Variants in FARS2 observed in about 807,000 individuals in gnomAD.
FARS2 encodes the protein phenylalanyl-tRNA synthetase 2, mitochondrial.
FARS2 carries 40 observed loss-of-function variants against 46.4 expected under a neutral mutation model. That is an observed-to-expected ratio of 0.86 (90% CI 0.67 to 1.12). The LOEUF (loss-of-function observed/expected upper bound fraction) is 1.12. FARS2 is among the 50% of genes most tolerant of loss of function. The pLI, the probability that FARS2 is intolerant of heterozygous loss-of-function variation, is 0.00. For synonymous variants in FARS2, 234 were observed against 214.9 expected (o/e 1.09, Z -0.78); for missense variants, 513 against 567.9 (o/e 0.90, Z 0.98).
chr6:5,510,703 A>G (rs1372098760), intron 4 of FARS2, among the ~76,000 whole-genome samples: 1 of 152,216 alleles, frequency 6.6e-6, no homozygotes, highest in Non-Finnish European at 1.5e-5. Context: ...TGACACAGTG[A>G]TGAGCTTGAC....
intron 4 of FARS2, among the ~76,000 whole-genome samples, chr6:5,483,158 A>G (rs1161936655): frequency 1.3e-5 from 2 of 152,178 alleles, no homozygotes; most frequent in Non-Finnish European, 2.9e-5. Flanking sequence ...CAAGCTGACA[A>G]TTTCTAAAAG....
chr6:5,655,584 C>G (rs1389921564), intron 6 of FARS2, among the ~76,000 whole-genome samples: 1 of 152,208 alleles, frequency 6.6e-6, no homozygotes, highest in Admixed American at 6.5e-5. Context: ...CATCCTTTGG[C>G]TTGTGGCCCC....
intron 4 of FARS2, among the ~76,000 whole-genome samples, chr6:5,524,217 TAGTG>T (rs1314272009): frequency 6.6e-6 from 1 of 152,154 alleles, no homozygotes; most frequent in East Asian, 1.9e-4. Context: ...ACACTAAAAG[TAGTG>T]AGACCCATAG....
At chr6:5,611,700 C>T (rs1042053052) in intron 5 of FARS2, among the ~76,000 whole-genome samples, 5 of 152,028 alleles carry the variant, frequency 3.3e-5, no homozygotes, top group Non-Finnish European at 7.4e-5. Context: ...CTGTATTTAC[C>T]ACAATGTATA....
chr6:5,666,079 C>T (rs3812177), intron 6 of FARS2, among the ~76,000 whole-genome samples: 4 of 151,886 alleles, frequency 2.6e-5, no homozygotes, highest in Admixed American at 1.3e-4. Context: ...GCAGGTCTAG[C>T]GTACCGCACT....
chr6:5,371,483 A>G (rs957509493), intron 2 of FARS2, among the ~76,000 whole-genome samples: 8 of 152,222 alleles, frequency 5.3e-5, no homozygotes, highest in Middle Eastern at 3.2e-3. Context: ...AATGATAAGT[A>G]TAGAAATGGA....
At chr6:5,646,414 G>A (rs1313188630) in intron 6 of FARS2, among the ~76,000 whole-genome samples, 1 of 152,168 alleles carries the variant, frequency 6.6e-6, no homozygotes, top group African/African-American at 2.4e-5. Context: ...TGCAGTGAGG[G>A]CAGTGGGCTC....
intron 1 of FARS2, among the ~76,000 whole-genome samples, chr6:5,338,796 G>A (rs1031137274): frequency 1.3e-5 from 2 of 152,162 alleles, no homozygotes; most frequent in African/African-American, 4.8e-5. Context: ...CATCACCCTT[G>A]TTTGTTGAAC....
At chr6:5,599,697 A>G (rs547415492) in intron 5 of FARS2, among the ~76,000 whole-genome samples, 2 of 152,352 alleles carry the variant, frequency 1.3e-5, no homozygotes, top group African/African-American at 2.4e-5. Flanking sequence ...TCAATTTTAG[A>G]ACATTTTCAT....
At chr6:5,740,221 T>G (rs1421559247) in intron 6 of FARS2, among the ~76,000 whole-genome samples, 1 of 151,942 alleles carries the variant, frequency 6.6e-6, no homozygotes, top group Non-Finnish European at 1.5e-5. Context: ...CCTCCTAGAG[T>G]GGGTTAGGGC....
intron 6 of FARS2, among the ~76,000 whole-genome samples, chr6:5,747,763 G>T (rs765096963): frequency 5.3e-5 from 8 of 152,206 alleles, no homozygotes; most frequent in African/African-American, 1.2e-4. Context: ...AAGGACAGAG[G>T]TGGCAGTCAC....
intron 5 of FARS2, among the ~76,000 whole-genome samples, chr6:5,590,747 AT>A (rs1290802013): frequency 6.6e-6 from 1 of 152,164 alleles, no homozygotes; most frequent in Non-Finnish European, 1.5e-5. Flanking sequence ...GAGGGAAGAG[AT>A]ATTTTGCTCC....
chr6:5,656,939 A>T (rs1307988412), intron 6 of FARS2, among the ~76,000 whole-genome samples: 1 of 152,166 alleles, frequency 6.6e-6, no homozygotes, highest in Non-Finnish European at 1.5e-5. Flanking sequence ...CATACCGTAT[A>T]TGTCTTAGTG....
intron 1 of FARS2, among the ~76,000 whole-genome samples, chr6:5,355,423 C>G (rs1259561991): frequency 1.5e-5 from 2 of 137,648 alleles, no homozygotes; most frequent in African/African-American, 5.4e-5. Context: ...CAGGCGTGAT[C>G]TCAACTCACT....
chr6:5,612,059 C>T (rs1263481432), intron 5 of FARS2, among the ~76,000 whole-genome samples: 8 of 152,196 alleles, frequency 5.3e-5, no homozygotes, highest in East Asian at 1.9e-4. Context: ...GAAAACAAAA[C>T]GCTTCTCAGG....
intron 4 of FARS2, among the ~76,000 whole-genome samples, chr6:5,476,899 G>T (rs1044784383): frequency 6.6e-6 from 1 of 152,184 alleles, no homozygotes; most frequent in Non-Finnish European, 1.5e-5. Flanking sequence ...TGGAAAACAA[G>T]GAAGTGTATT....
intron 4 of FARS2, among the ~76,000 whole-genome samples, chr6:5,526,820 T>C (rs1175293270): frequency 6.6e-6 from 1 of 152,156 alleles, no homozygotes; most frequent in Middle Eastern, 3.2e-3. Context: ...TTTCACCATA[T>C]TGGCCAGGCT....
intron 4 of FARS2, among the ~76,000 whole-genome samples, chr6:5,496,336 A>G (rs1453915418): frequency 7.9e-5 from 12 of 152,192 alleles, no homozygotes; most frequent in Non-Finnish European, 1.6e-4. Context: ...ATGAAGCCTT[A>G]CAAGGTGTTC....
intron 4 of FARS2, among the ~76,000 whole-genome samples, chr6:5,510,661 G>A (rs778298049): frequency 3.3e-5 from 5 of 152,174 alleles, no homozygotes; most frequent in Admixed American, 6.5e-5. Context: ...ACTCACCAGC[G>A]CTGGCCGCGT....
Sources: gnomAD v4.1 joint callset for allele counts (sites outside exome capture counted in the v4.1 genomes callset) on GRCh38, gnomAD v4.1.1 for gene constraint, MANE v1.5 for transcripts, NCBI Gene and HGNC (gene_info 2026-07-23, HGNC 2026-07-21) for gene names.